Variants in LRMDA observed in about 807,000 individuals in gnomAD.
LRMDA encodes leucine-rich melanocyte differentiation-associated protein.
Under a neutral mutation model 29.8 loss-of-function variants are expected in LRMDA, and 18 were observed. The observed-to-expected ratio is 0.60, with a 90% CI of 0.42 to 0.90. LRMDA has a LOEUF of 0.90. Among genes scored for constraint, LRMDA ranks in the 40% least tolerant of loss-of-function variants. LRMDA has a pLI of 0.00. For synonymous variants in LRMDA, 125 were observed against 109.4 expected, an observed-to-expected ratio of 1.14 and a Z score of -0.89; for missense variants, 273 against 273.9, an observed-to-expected ratio of 1.00 and a Z score of 0.02.
intron 5 of LRMDA, among the ~76,000 whole-genome samples, chr10:76,125,384 C>T (rs781022513): frequency 1.3e-5 from 2 of 152,184 alleles, no homozygotes; most frequent in South Asian, 2.1e-4. Context: ...ACCTCCTGTT[C>T]GGCAAAATGT....
intron 6 of LRMDA, among the ~76,000 whole-genome samples, chr10:76,529,087 G>C (rs557215548): frequency 2.0e-5 from 3 of 152,224 alleles, no homozygotes; most frequent in South Asian, 4.1e-4. Context: ...GAGGCCTCCA[G>C]AACCTTCTGA....
chr10:76,372,117 T>G (rs1841461578), intron 6 of LRMDA, among the ~76,000 whole-genome samples: 1 of 152,180 alleles, frequency 6.6e-6, no homozygotes, highest in Non-Finnish European at 1.5e-5. Context: ...TTAGCCATAG[T>G]CTTTCTTTCA....
chr10:75,606,783 C>A (rs1840961804), intron 2 of LRMDA, among the ~76,000 whole-genome samples: 1 of 152,184 alleles, frequency 6.6e-6, no homozygotes, highest in African/African-American at 2.4e-5. Context: ...ACAAACAGAT[C>A]TGAGGGTATT....
intron 6 of LRMDA, among the ~76,000 whole-genome samples, chr10:76,502,660 G>T (rs556877088): frequency 6.6e-6 from 1 of 151,826 alleles, no homozygotes; most frequent in Admixed American, 6.6e-5. Flanking sequence ...TCTCAGCCTG[G>T]ACATTGTTGG....
intron 2 of LRMDA, among the ~76,000 whole-genome samples, chr10:75,466,555 C>T (rs1470674154): frequency 6.6e-6 from 1 of 152,176 alleles, no homozygotes; most frequent in Non-Finnish European, 1.5e-5. Context: ...TTTTCATCCA[C>T]CGAAGCCATC....
At chr10:76,184,470 C>A (rs906246765) in intron 5 of LRMDA, among the ~76,000 whole-genome samples, 1 of 152,192 alleles carries the variant, frequency 6.6e-6, no homozygotes, top group African/African-American at 2.4e-5. Context: ...AAAAATGTGT[C>A]CGACACAGCA....
chr10:75,573,720 T>G (rs1439026991), intron 2 of LRMDA, among the ~76,000 whole-genome samples: 3 of 152,246 alleles, frequency 2.0e-5, no homozygotes, highest in African/African-American at 7.2e-5. Context: ...TAACATTCAG[T>G]TCTACTTGAT....
chr10:75,988,151 AATAT>A (rs1470190945), intron 2 of LRMDA, among the ~76,000 whole-genome samples: 2 of 152,162 alleles, frequency 1.3e-5, no homozygotes, highest in Non-Finnish European at 2.9e-5. Context: ...ATGCTGGTAA[AATAT>A]GGTTGCTCCC....
At chr10:75,738,424 G>A (rs1842791641) in intron 2 of LRMDA, among the ~76,000 whole-genome samples, 1 of 152,194 alleles carries the variant, frequency 6.6e-6, no homozygotes, top group African/African-American at 2.4e-5. Context: ...TAAGTTTGGT[G>A]ATTTGATCAG....
chr10:76,066,805 G>T (rs1848792752), intron 5 of LRMDA, among the ~76,000 whole-genome samples: 2 of 152,218 alleles, frequency 1.3e-5, no homozygotes, highest in African/African-American at 4.8e-5. Context: ...AGTTTCCCCT[G>T]AGGGTGAGGA....
At chr10:76,217,582 G>T (rs911240366) in intron 5 of LRMDA, among the ~76,000 whole-genome samples, 3 of 152,152 alleles carry the variant, frequency 2.0e-5, no homozygotes, top group Non-Finnish European at 4.4e-5. Flanking sequence ...GACCAGGAGG[G>T]TACTCACACT....
chr10:76,407,021 A>G (rs867007584), intron 6 of LRMDA, among the ~76,000 whole-genome samples: 5 of 152,082 alleles, frequency 3.3e-5, no homozygotes, highest in Admixed American at 1.3e-4. Context: ...ACCCACAAAC[A>G]TTTGTTGAAT....
At chr10:75,432,132 T>C (rs1844206563) in intron 1 of LRMDA, among the ~76,000 whole-genome samples, 1 of 152,266 alleles carries the variant, frequency 6.6e-6, no homozygotes, top group Admixed American at 6.5e-5. Context: ...AAGAATCCAT[T>C]TTGATAAATC....
rs149730817 is a variant in LRMDA at position 75,999,452 on chromosome 10, T to A, written c.132-36556T>A. 1.7e-3 allele frequency among the ~76,000 whole-genome samples: 253 copies of A among 152,318 alleles called. 1 individual carries two copies. The highest frequency in any genetic ancestry group is 5.7e-3 in the African/African-American group (236 of 41,572). ...TTGCAGAATTTTTTTCCCCTGTCTA[T>A]TGAAGTTTATAGTAAGTCAAAATGC... On this transcript the variant is annotated intron_variant, in intron 2 of 6. Transcript: ENST00000611255.
chr10:75,810,099 G>A (rs1021549431), intron 2 of LRMDA, among the ~76,000 whole-genome samples: 2 of 152,194 alleles, frequency 1.3e-5, no homozygotes, highest in African/African-American at 2.4e-5. Flanking sequence ...AACAGCATGA[G>A]CAGAGTCTCT....
chr10:75,441,000 G>T (rs1844320822), intron 2 of LRMDA, among the ~76,000 whole-genome samples: 1 of 152,152 alleles, frequency 6.6e-6, no homozygotes, highest in South Asian at 2.1e-4. Context: ...TCGTGCCATT[G>T]TACTCCAGCC....
chr10:76,342,227 C>T (rs1841050702), intron 6 of LRMDA, among the ~76,000 whole-genome samples: 2 of 152,214 alleles, frequency 1.3e-5, no homozygotes, highest in South Asian at 4.1e-4. Flanking sequence ...AGTACTCTTA[C>T]ATTTCAAGTC....
chr10:76,263,224 A>G lies in LRMDA; in HGVS notation c.517-61177A>G, dbSNP rs143071816. 3.7e-3 allele frequency among the ~76,000 whole-genome samples: 563 copies of G among 152,238 alleles called. 2 individuals are homozygous for G. The highest frequency in any genetic ancestry group is 0.012 in the African/African-American group (519 of 41,556). ...AAACTTGTTTCTGATGAAGTGTTTC[A>G]ATATGCTTTATTATAATCTGGGACC... On this transcript the variant is annotated intron_variant, in intron 5 of 6. Coordinates refer to ENST00000611255, the MANE Select transcript of LRMDA (RefSeq NM_001305581.2).
At chr10:75,556,674 T>C (rs995683697) in intron 2 of LRMDA, among the ~76,000 whole-genome samples, 3 of 151,876 alleles carry the variant, frequency 2.0e-5, no homozygotes, top group African/African-American at 7.3e-5. Context: ...TTTTGGAGTT[T>C]ACAGTGTATG....
Sources: gnomAD v4.1 joint callset for allele counts (sites outside exome capture counted in the v4.1 genomes callset) on GRCh38, gnomAD v4.1.1 for gene constraint, MANE v1.5 for transcripts, NCBI Gene and HGNC (gene_info 2026-07-23, HGNC 2026-07-21) for gene names.